Variants in RTN1 observed in about 807,000 individuals in gnomAD.
RTN1 encodes the protein reticulon-1.
RTN1 carries 25 observed loss-of-function variants against 65.5 expected under a neutral mutation model. The ratio of observed to expected loss-of-function variants is 0.38; its 90% CI spans 0.28 to 0.53. The LOEUF (loss-of-function observed/expected upper bound fraction) is 0.53, where lower values mean the gene tolerates loss of function less well. Among genes scored for constraint, RTN1 ranks in the 20% least tolerant of loss-of-function variants. The pLI, the probability that RTN1 is intolerant of heterozygous loss-of-function variation, is 0.79. For missense variants in RTN1, 983 were observed against 1,025.4 expected, an observed-to-expected ratio of 0.96 and a Z score of 0.57; for synonymous variants, 471 against 447.6, an observed-to-expected ratio of 1.05 and a Z score of -0.66.
At chr14:59,865,034 T>C (rs1887774486) in intron 1 of RTN1, among the ~76,000 whole-genome samples, 2 of 152,094 alleles carry the variant, frequency 1.3e-5, no homozygotes, top group Non-Finnish European at 2.9e-5. Context: ...TTCCTAGACA[T>C]AGGAAGGGCT....
rs372975011 is a variant in RTN1 at position 59,603,885 on chromosome 14, C to A, written c.2149G>T (p.Ala717Ser). The stretch of plus-strand genomic sequence containing the variant: ...AGCAGGGTCAGGCCATTGAAGAGAG[C>A]GCCAACGTAGGTCAGGAGCCACATC... ...VLMWLLTYVG[A>S]LFNGLTLLLM... is the part of the protein sequence containing the mutation. Residue 717 changes from alanine (A) to serine (S), a missense_variant, in exon 6 of 9, where the codon GCT (alanine) becomes TCT (serine). Around this residue, in one of 2 missense-constraint regions of RTN1, gnomAD observed 165 missense variants for 223.6 expected, o/e 0.74. Coordinates refer to ENST00000267484, the MANE Select transcript of RTN1 (RefSeq NM_021136.3). 2 of 1,611,592 alleles carry A rather than the reference C, an allele frequency of 1.2e-6. No individual in the cohort carries two copies. The highest frequency in any genetic ancestry group is 1.7e-6 in the Non-Finnish European group (2 of 1,178,236).
chr14:59,850,254 T>C (rs1340531844), intron 1 of RTN1, among the ~76,000 whole-genome samples: 1 of 152,228 alleles, frequency 6.6e-6, no homozygotes, highest in African/African-American at 2.4e-5. Context: ...ATATCATATG[T>C]TGAAAACACA....
At chr14:59,826,765 A>T (rs1339946115) in intron 1 of RTN1, among the ~76,000 whole-genome samples, 1 of 152,196 alleles carries the variant, frequency 6.6e-6, no homozygotes, top group Non-Finnish European at 1.5e-5. Context: ...GCCAGGCTCT[A>T]TATCAGTCTC....
chr14:59,856,233 A>G (rs1233118955), intron 1 of RTN1, among the ~76,000 whole-genome samples: 1 of 152,192 alleles, frequency 6.6e-6, no homozygotes, highest in Admixed American at 6.5e-5. Flanking sequence ...TGTATTTAGC[A>G]GAAGGGATAG....
At chr14:59,768,431 T>G (rs1885890408) in intron 1 of RTN1, among the ~76,000 whole-genome samples, 1 of 152,222 alleles carries the variant, frequency 6.6e-6, no homozygotes, top group Non-Finnish European at 1.5e-5. Context: ...TACTCTTCTC[T>G]GCCCTTGTTT....
intron 3 of RTN1, among the ~76,000 whole-genome samples, chr14:59,706,648 A>G (rs1884300485): frequency 6.6e-6 from 1 of 152,228 alleles, no homozygotes. Context: ...AGACACATAA[A>G]CACAGAAGAA....
At chr14:59,840,985 T>C (rs991848121) in intron 1 of RTN1, among the ~76,000 whole-genome samples, 6 of 152,244 alleles carry the variant, frequency 3.9e-5, no homozygotes, top group African/African-American at 1.4e-4. Flanking sequence ...TCAAGTGGCA[T>C]CTTTGCTCCA....
chr14:59,675,671 G>T (rs1026136693), intron 3 of RTN1, among the ~76,000 whole-genome samples: 2 of 151,498 alleles, frequency 1.3e-5, no homozygotes, highest in African/African-American at 4.9e-5. Context: ...ATTTGGAGAG[G>T]TTAAGTAACT....
At chr14:59,672,115 A>G (rs1335648945) in intron 3 of RTN1, among the ~76,000 whole-genome samples, 1 of 152,176 alleles carries the variant, frequency 6.6e-6, no homozygotes, top group Non-Finnish European at 1.5e-5. Context: ...CAGGCAGGGA[A>G]GAGTGCCCTG....
chr14:59,669,713 G>C (rs897470041), intron 3 of RTN1, among the ~76,000 whole-genome samples: 2 of 152,140 alleles, frequency 1.3e-5, no homozygotes, highest in African/African-American at 4.8e-5. Context: ...CTAGAGCTCT[G>C]TCAAGTCACC....
intron 3 of RTN1, among the ~76,000 whole-genome samples, chr14:59,695,802 C>T (rs1884051311): frequency 1.3e-5 from 2 of 151,900 alleles, no homozygotes; most frequent in African/African-American, 4.8e-5. Context: ...TTGATTATAT[C>T]AGCACGATTT....
At chr14:59,659,944 G>T (rs1339162192) in intron 3 of RTN1, among the ~76,000 whole-genome samples, 3 of 147,764 alleles carry the variant, frequency 2.0e-5, no homozygotes, top group African/African-American at 5.4e-5. Flanking sequence ...ACACAGACTG[G>T]CAAATTGGAT....
chr14:59,645,641 C>A lies in RTN1; in HGVS notation c.1766-38149G>T, dbSNP rs189496796. ...AGCCCTCACCCTTCTTGTCTCCAGGCTCTAGAGAGTCCATGGGGACCCGGC... is the reference window on the plus strand; with the variant it reads ...AGCCCTCACCCTTCTTGTCTCCAGGATCTAGAGAGTCCATGGGGACCCGGC... On this transcript the variant is annotated intron_variant, in intron 3 of 8. Coordinates refer to ENST00000267484, the MANE Select transcript of RTN1 (RefSeq NM_021136.3). 6.7e-4 allele frequency among the ~76,000 whole-genome samples: 102 copies of A among 152,270 alleles called. No individual in the cohort carries two copies. The East Asian group carries it at 0.017, about 25-fold the overall frequency.
At chr14:59,824,067 ACCCACC>A (rs1420413990) in intron 1 of RTN1, among the ~76,000 whole-genome samples, 3 of 152,228 alleles carry the variant, frequency 2.0e-5, no homozygotes, top group Non-Finnish European at 2.9e-5. Context: ...TGTCAAACAT[ACCCACC>A]TCTGCAGTGT....
chr14:59,797,618 C>A (rs1886464058), intron 1 of RTN1, among the ~76,000 whole-genome samples: 1 of 152,284 alleles, frequency 6.6e-6, no homozygotes, highest in Non-Finnish European at 1.5e-5. Flanking sequence ...ACCAAAACAT[C>A]TGAATGCCAC....
chr14:59,671,806 T>A (rs1159642915), intron 3 of RTN1, among the ~76,000 whole-genome samples: 1 of 152,234 alleles, frequency 6.6e-6, no homozygotes, highest in Non-Finnish European at 1.5e-5. Context: ...TTCCCCCATA[T>A]GTCCACTCTA....
intron 1 of RTN1, among the ~76,000 whole-genome samples, chr14:59,747,566 A>G (rs1484779429): frequency 6.6e-6 from 1 of 152,162 alleles, no homozygotes; most frequent in Non-Finnish European, 1.5e-5. Context: ...AGATTGCGCC[A>G]TTGCACTCCA....
chr14:59,664,518 C>T (rs1169649104), intron 3 of RTN1, among the ~76,000 whole-genome samples: 1 of 152,008 alleles, frequency 6.6e-6, no homozygotes, highest in African/African-American at 2.4e-5. Context: ...GCATCTGAGG[C>T]AACTAACATT....
intron 3 of RTN1, among the ~76,000 whole-genome samples, chr14:59,698,689 C>T (rs140222126): frequency 4.1e-4 from 63 of 152,314 alleles, no homozygotes; most frequent in African/African-American, 1.5e-3. Context: ...CCACGTGGAA[C>T]TGTAAGTCCA....
Sources: gnomAD v4.1 joint callset for allele counts (sites outside exome capture counted in the v4.1 genomes callset) on GRCh38, gnomAD v4.1.1 for gene constraint, gnomAD v4.1.1 regional missense constraint, MANE v1.5 for transcripts, NCBI Gene and HGNC (gene_info 2026-07-23, HGNC 2026-07-21) for gene names.